Variants in CTIF observed in about 807,000 individuals in gnomAD.
The protein encoded by CTIF is CBP80/20-dependent translation initiation factor.
In CTIF, 21 loss-of-function variants were observed where a neutral mutation model predicts 66.0. The ratio of observed to expected loss-of-function variants is 0.32; its 90% CI spans 0.23 to 0.46. The LOEUF (loss-of-function observed/expected upper bound fraction) is 0.46, where lower values mean the gene tolerates loss of function less well. CTIF is among the 20% of genes least tolerant of loss of function. The pLI is 1.00. For synonymous variants in CTIF, 345 were observed against 326.4 expected (o/e 1.06, Z -0.62); for missense variants, 739 against 812.7 (o/e 0.91, Z 1.10).
At chr18:48,740,132 C>T (rs1382619258) in intron 7 of CTIF, among the ~76,000 whole-genome samples, 1 of 152,202 alleles carries the variant, frequency 6.6e-6, no homozygotes, top group African/African-American at 2.4e-5. Flanking sequence ...AAGTCAGAGG[C>T]AAAGCCAGGG....
At chr18:48,700,303 G>T (rs28377496) in intron 6 of CTIF, among the ~76,000 whole-genome samples, 2,938 of 152,324 alleles carry the variant, frequency 0.019, 90 homozygotes, top group African/African-American at 0.067. Context: ...ATGTGGAACT[G>T]TGAGTCCATT....
chr18:48,598,981 T>G (rs1018218023), intron 1 of CTIF, among the ~76,000 whole-genome samples: 2 of 151,936 alleles, frequency 1.3e-5, no homozygotes, highest in Non-Finnish European at 2.9e-5. Flanking sequence ...GTGCATGGAG[T>G]GATCAATGGA....
chr18:48,550,827 T>C (rs1460334320), intron 1 of CTIF, among the ~76,000 whole-genome samples: 1 of 152,158 alleles, frequency 6.6e-6, no homozygotes, highest in Admixed American at 6.5e-5. Flanking sequence ...GAAAAAAAAG[T>C]ATTTTTAAGG....
chr18:48,695,314 T>A (rs111428048), intron 6 of CTIF, among the ~76,000 whole-genome samples: 3,005 of 152,350 alleles, frequency 0.02, 33 homozygotes, highest in Middle Eastern at 0.048. Flanking sequence ...TCAATCAGCA[T>A]TTGTTGAGTA....
chr18:48,695,689 C>T (rs2091996285), intron 6 of CTIF, among the ~76,000 whole-genome samples: 1 of 152,240 alleles, frequency 6.6e-6, no homozygotes, highest in South Asian at 2.1e-4. Context: ...AAACTTTTCA[C>T]TCAGTGCCTG....
chr18:48,800,376 A>G (rs2068023608), intron 9 of CTIF, among the ~76,000 whole-genome samples: 1 of 152,208 alleles, frequency 6.6e-6, no homozygotes, highest in Non-Finnish European at 1.5e-5. Context: ...TAGCCAAGGA[A>G]ATAAAACATG....
Position 48,607,278 on chromosome 18 carries a change from C to T in CTIF, c.-28-12260C>T, listed in dbSNP as rs927352173. ...TGGTTCGTAGAGAATTCAGGGAGAG[C>T]TGTAAGAGCGCTGGGCACCGGATCA... On this transcript the variant is annotated intron_variant, in intron 1 of 11. Coordinates refer to ENST00000256413, the MANE Select transcript of CTIF (RefSeq NM_014772.3). Among the ~76,000 whole-genome samples, 5 of 152,298 alleles carry T rather than the reference C, an allele frequency of 3.3e-5. No individual in the cohort carries two copies. The South Asian group carries it at 1.0e-3, about 32-fold the overall frequency.
At chr18:48,734,671 C>G (rs76078587) in intron 7 of CTIF, among the ~76,000 whole-genome samples, 2,181 of 152,302 alleles carry the variant, frequency 0.014, 54 homozygotes, top group African/African-American at 0.049. Context: ...GGAAGACTTC[C>G]AAGAGGCTGA....
intron 1 of CTIF, among the ~76,000 whole-genome samples, chr18:48,548,484 A>T (rs2145510126): frequency 6.6e-6 from 1 of 152,292 alleles, no homozygotes; most frequent in East Asian, 1.9e-4. Context: ...AGGAAGCAAA[A>T]TGTCTTTCTG....
chr18:48,779,014 T>C, intron 9 of CTIF, among the ~76,000 whole-genome samples: 1 of 152,246 alleles, frequency 6.6e-6, no homozygotes, highest in Non-Finnish European at 1.5e-5. Flanking sequence ...CTGTGTGGCC[T>C]GGGCAAGTGG....
At chr18:48,805,133 A>G (rs2068118644) in intron 9 of CTIF, among the ~76,000 whole-genome samples, 1 of 152,180 alleles carries the variant, frequency 6.6e-6, no homozygotes, top group African/African-American at 2.4e-5. Context: ...CTGATGTGTC[A>G]CAGTGTCTGT....
chr18:48,581,201 GT>G (rs927112961), intron 1 of CTIF, among the ~76,000 whole-genome samples: 1 of 150,044 alleles, frequency 6.7e-6, no homozygotes, highest in African/African-American at 2.5e-5. Flanking sequence ...TGAGTTTGAT[GT>G]TTTTTTTTGT....
intron 10 of CTIF, among the ~76,000 whole-genome samples, chr18:48,824,202 A>G (rs1365693828): frequency 6.6e-6 from 1 of 152,214 alleles, no homozygotes; most frequent in Non-Finnish European, 1.5e-5. Context: ...TGAAAACTAT[A>G]ACATATTATT....
rs113150619 is a variant in CTIF, at chr18:48,859,860, C to A, written c.*301C>A. ...TCCCGCCTCTCCCCTCCCCATCAGA[C>A]CCATCCCCCACGGAGCTTTGTGTGA... On this transcript the variant is annotated 3_prime_UTR_variant, in exon 12 of 12. Coordinates refer to ENST00000256413, the MANE Select transcript of CTIF (RefSeq NM_014772.3). 3.0e-4 allele frequency: 172 copies of A among 582,848 alleles called. No homozygotes were observed. Among genetic ancestry groups the A allele is most frequent in the African/African-American group, 1.1e-3 (62 of 54,568 alleles). The allele number at this position is 582,848 out of a possible 1,614,324, so 36.1% of individuals were successfully genotyped here.
intron 1 of CTIF, among the ~76,000 whole-genome samples, chr18:48,608,802 C>A (rs2090254290): frequency 6.6e-6 from 1 of 152,186 alleles, no homozygotes; most frequent in Non-Finnish European, 1.5e-5. Flanking sequence ...TCCAGCTGGT[C>A]TGTAGTTCAG....
intron 9 of CTIF, among the ~76,000 whole-genome samples, chr18:48,784,100 T>C (rs1244155435): frequency 6.6e-6 from 1 of 152,246 alleles, no homozygotes; most frequent in African/African-American, 2.4e-5. Context: ...AGGTCCCCTC[T>C]CCTGCCATTG....
At position 48,797,496 on chromosome 18, in the gene CTIF, G is replaced by GA. The variant is rs1555695524; in HGVS notation, c.1372-19725_1372-19724insA. Among the ~76,000 whole-genome samples the GA allele has an allele frequency of 3.3e-5, 5 of 149,618 alleles. No individual in the cohort carries two copies. In the South Asian group the frequency reaches 6.6e-4, roughly 20 times the overall value. Reference sequence around the variant, plus strand: ...AGACTCCATCCAAAAAAGAAAAGGGGTGGGGGGGCAAGTTTCTGAGTTCTG... The same window carrying GA: ...AGACTCCATCCAAAAAAGAAAAGGGGATGGGGGGGCAAGTTTCTGAGTTCTG... On this transcript the variant is annotated intron_variant, in intron 9 of 11. Transcript: ENST00000256413.
intron 6 of CTIF, among the ~76,000 whole-genome samples, chr18:48,691,426 T>TA (rs112316677): frequency 0.04 from 6,025 of 152,296 alleles, 168 homozygotes; most frequent in African/African-American, 0.07. Context: ...TAGGGGTCGT[T>TA]ACCAAAATAG....
chr18:48,824,013 C>CACACACAGAG (rs139376550), intron 10 of CTIF, among the ~76,000 whole-genome samples: 1 of 146,640 alleles, frequency 6.8e-6, no homozygotes. Context: ...CACACACACA[C>CACACACAGAG]AAACTGCTAG....
Sources: allele counts gnomAD v4.1 joint callset (sites outside exome capture counted in the v4.1 genomes callset), GRCh38; gene constraint gnomAD v4.1.1; transcripts MANE v1.5; gene names NCBI Gene and HGNC (gene_info 2026-07-23, HGNC 2026-07-21).